HMCN1: variants seen among roughly 807,000 people sequenced by gnomAD.
The protein encoded by HMCN1 is hemicentin-1.
In HMCN1, 321 loss-of-function variants were observed where a neutral mutation model predicts 625.9. That is an observed-to-expected ratio of 0.51 (90% CI 0.47 to 0.56). The LOEUF is 0.56. Among genes scored for constraint, HMCN1 ranks in the 20% least tolerant of loss-of-function variants. HMCN1 has a pLI of 0.00. For missense variants in HMCN1, 6,588 were observed against 6,887.3 expected, an observed-to-expected ratio of 0.96 and a Z score of 1.54; for synonymous variants, 2,425 against 2,417.6, an observed-to-expected ratio of 1.00 and a Z score of -0.09.
chr1:186,061,167 T>C (rs1328875693), intron 46 of HMCN1, among the ~76,000 whole-genome samples: 2 of 152,082 alleles, frequency 1.3e-5, no homozygotes, highest in Non-Finnish European at 2.9e-5. Context: ...CACACTACTG[T>C]AAAGAAATAC....
chr1:186,119,626 C>A (rs1402613219), intron 78 of HMCN1, 119 bp from the exon 79 acceptor site: 2 of 1,047,494 alleles, frequency 1.9e-6, no homozygotes, highest in Non-Finnish European at 1.4e-6. Context: ...TTCTCTTGGG[C>A]AATCAAATCA....
intron 55 of HMCN1, among the ~76,000 whole-genome samples, chr1:186,078,875 A>G (rs1363651348): frequency 2.0e-5 from 3 of 152,200 alleles, no homozygotes; most frequent in African/African-American, 7.2e-5. Flanking sequence ...TTTTCCTGTA[A>G]GGGAAAAGAT....
chr1:185,918,959 GC>G (rs1275414900), intron 6 of HMCN1, among the ~76,000 whole-genome samples: 1 of 151,872 alleles, frequency 6.6e-6, no homozygotes, highest in African/African-American at 2.4e-5. Context: ...GTGGAAAGGT[GC>G]TTTTTGTAGC....
At position 185,864,540 on chromosome 1, in the gene HMCN1, C is replaced by G; in HGVS notation, c.410C>G (p.Ser137Cys). The change falls in exon 3 of 107, where the codon TCT (serine) becomes TGT (cysteine). Residue 137 changes from serine to cysteine, a missense_variant. By Grantham distance (112) the Ser-to-Cys change is moderately radical (BLOSUM62 -1). Coordinates refer to ENST00000271588, the MANE Select transcript of HMCN1 (RefSeq NM_031935.3). ...KIALEISLPG[S>C]FIYVFTDARS... ...GCCTTGGAAATTTCTCTTCCTGGTT[C>G]TTTCATCTATGTTTTCACTGATGCT... 1 of 1,613,964 alleles carries G rather than the reference C, an allele frequency of 6.2e-7. No individual in the cohort carries two copies. Among genetic ancestry groups the G allele is most frequent in the South Asian group, 1.1e-5 (1 of 91,088 alleles).
At position 185,888,392 on chromosome 1, in the gene HMCN1, G is replaced by T. The variant is rs1293658681; in HGVS notation, c.622-20945G>T. 2.1e-5 allele frequency among the ~76,000 whole-genome samples: 3 copies of T among 144,898 alleles called. No individual in the cohort carries two copies. The East Asian group carries it at 5.8e-4, about 28-fold the overall frequency. On this transcript the variant is annotated intron_variant, in intron 4 of 106. Coordinates refer to ENST00000271588, the MANE Select transcript of HMCN1 (RefSeq NM_031935.3). ...ACATGAAGTCCTTGCCCATGCGTATGTCCTGAATGGTAATGCCTAGGTTTT... is the reference window on the plus strand; with the variant it reads ...ACATGAAGTCCTTGCCCATGCGTATTTCCTGAATGGTAATGCCTAGGTTTT...
intron 96 of HMCN1, among the ~76,000 whole-genome samples, chr1:186,153,545 T>C (rs74136050): frequency 0.011 from 1,624 of 152,100 alleles, 31 homozygotes; most frequent in African/African-American, 0.036. Flanking sequence ...AATTTAAAGC[T>C]ACCTTATAGC....
intron 9 of HMCN1, among the ~76,000 whole-genome samples, chr1:185,927,601 A>T (rs922029041): frequency 6.6e-6 from 1 of 152,120 alleles, no homozygotes; most frequent in African/African-American, 2.4e-5. Flanking sequence ...TTTTTTGATG[A>T]TAAGTATGGT....
chr1:185,753,583 C>T (rs115777951), intron 1 of HMCN1, among the ~76,000 whole-genome samples: 552 of 152,160 alleles, frequency 3.6e-3, no homozygotes, highest in African/African-American at 0.012. Flanking sequence ...CTTTTAACTT[C>T]GTCATTTATT....
At chr1:185,999,228 T>C (rs897097276) in intron 25 of HMCN1, among the ~76,000 whole-genome samples, 4 of 152,002 alleles carry the variant, frequency 2.6e-5, no homozygotes, top group Non-Finnish European at 5.9e-5. Flanking sequence ...GTAATTTTTA[T>C]TTAATGTTTT....
intron 89 of HMCN1, among the ~76,000 whole-genome samples, chr1:186,143,318 C>G (rs768179418): frequency 1.3e-5 from 2 of 152,158 alleles, no homozygotes; most frequent in African/African-American, 4.8e-5. Context: ...TTTGATTAAA[C>G]CAGGTGACCA....
chr1:186,046,997 C>T (rs772183079), intron 41 of HMCN1, among the ~76,000 whole-genome samples: 1 of 152,070 alleles, frequency 6.6e-6, no homozygotes, highest in Non-Finnish European at 1.5e-5. Flanking sequence ...TGCTACTAAC[C>T]ACCACATAGC....
intron 2 of HMCN1, among the ~76,000 whole-genome samples, chr1:185,858,826 A>G (rs1178428206): frequency 6.6e-6 from 1 of 151,148 alleles, no homozygotes; most frequent in African/African-American, 2.4e-5. Flanking sequence ...TCACATTTCC[A>G]TTACTTCCAA....
At chr1:185,778,524 T>C (rs1656793403) in intron 1 of HMCN1, among the ~76,000 whole-genome samples, 1 of 122,280 alleles carries the variant, frequency 8.2e-6, no homozygotes, top group African/African-American at 3.1e-5. Flanking sequence ...GTCCCCAGTG[T>C]GTGGTGTTCC....
chr1:186,086,358 CAAG>C lies in HMCN1; in HGVS notation c.9000_9002del (p.Lys3000del). The C allele has an allele frequency of 6.2e-7, 1 of 1,613,338 alleles. No individual in the cohort carries two copies. Among genetic ancestry groups the C allele is most frequent in the Non-Finnish European group, 8.5e-7 (1 of 1,179,556 alleles). On this transcript the variant is annotated inframe_deletion, in exon 58 of 107. Transcript: ENST00000271588. ...TTCCACCTCCTGACCTCAGCTGGCT[CAAG>C]AATGAACAGCCCATCAAACTGAACA...
chr1:186,009,404 A>G (rs1653845928), intron 30 of HMCN1, among the ~76,000 whole-genome samples: 1 of 152,112 alleles, frequency 6.6e-6, no homozygotes, highest in Non-Finnish European at 1.5e-5. Context: ...AAATAGTGTC[A>G]TTTCCTCTTT....
chr1:186,093,716 G>A (rs1009102928), intron 66 of HMCN1, 47 bp downstream of exon 66: 5 of 1,607,220 alleles, frequency 3.1e-6, no homozygotes, highest in Non-Finnish European at 4.3e-6. Context: ...AAGTAACTGT[G>A]ATTGTAGACT....
chr1:186,081,843 C>A (rs892385897), intron 56 of HMCN1, among the ~76,000 whole-genome samples: 1 of 152,066 alleles, frequency 6.6e-6, no homozygotes, highest in African/African-American at 2.4e-5. Context: ...ATGGTGTGTC[C>A]ATATTCTTCT....
intron 72 of HMCN1, 99 bp from the exon 73 acceptor site, chr1:186,113,880 A>G (rs979276890): frequency 3.8e-6 from 5 of 1,300,472 alleles, no homozygotes; most frequent in Admixed American, 3.4e-5. Context: ...AAAGCTATAC[A>G]TTTGACTCGA....
At chr1:185,962,872 G>T (rs1187250184) in intron 12 of HMCN1, among the ~76,000 whole-genome samples, 2 of 152,082 alleles carry the variant, frequency 1.3e-5, no homozygotes, top group African/African-American at 4.8e-5. Context: ...TCAATAGCTG[G>T]GACCAAGTGC....
Sources: allele counts gnomAD v4.1 joint callset (sites outside exome capture counted in the v4.1 genomes callset), GRCh38; gene constraint gnomAD v4.1.1; transcripts MANE v1.5; gene names NCBI Gene and HGNC (gene_info 2026-07-23, HGNC 2026-07-21).